Variants in PPP2R2B observed in about 807,000 individuals in gnomAD.
PPP2R2B encodes the protein protein phosphatase 2 regulatory subunit Bbeta, also known as serine/threonine-protein phosphatase 2A 55 kDa regulatory subunit B beta isoform.
A neutral mutation model predicts 46.0 loss-of-function variants in PPP2R2B; 5 were observed. The observed-to-expected ratio is 0.11, with a 90% confidence interval of 0.06 to 0.23. PPP2R2B has a LOEUF of 0.23. Ranked by LOEUF, PPP2R2B falls within the 10% of genes least tolerant of loss-of-function variation. The pLI is 1.00. For synonymous variants in PPP2R2B, 215 were observed against 206.7 expected (o/e 1.04, Z -0.34); for missense variants, 367 against 575.0 (o/e 0.64, Z 3.70).
intron 1 of PPP2R2B, among the ~76,000 whole-genome samples, chr5:146,937,777 C>G (rs1309686751): frequency 8.5e-5 from 13 of 152,164 alleles, no homozygotes. Context: ...ATGTGTGGGA[C>G]AGATGATCTG....
chr5:146,916,840 T>G (rs1763404777), intron 1 of PPP2R2B, among the ~76,000 whole-genome samples: 1 of 152,292 alleles, frequency 6.6e-6, no homozygotes. Flanking sequence ...TTGAACCAGT[T>G]TGCATATCAT....
chr5:146,696,884 A>G (rs1350607024), intron 4 of PPP2R2B, among the ~76,000 whole-genome samples: 1 of 152,232 alleles, frequency 6.6e-6, no homozygotes, highest in African/African-American at 2.4e-5. Flanking sequence ...GATTAATATG[A>G]GACTCATTGT....
At chr5:146,946,855 A>G (rs1282273941) in intron 1 of PPP2R2B, among the ~76,000 whole-genome samples, 2 of 152,030 alleles carry the variant, frequency 1.3e-5, no homozygotes, top group Admixed American at 6.6e-5. Context: ...GGCTGCCAAT[A>G]GGACGGGAAT....
At chr5:146,713,207 G>GT (rs968821422) in intron 2 of PPP2R2B, among the ~76,000 whole-genome samples, 7 of 152,144 alleles carry the variant, frequency 4.6e-5, no homozygotes, top group Non-Finnish European at 7.3e-5. Context: ...TAGGAAGAGT[G>GT]TTCCAAAGAG....
At chr5:147,055,326 T>G (rs898795990) in intron 1 of PPP2R2B, among the ~76,000 whole-genome samples, 7 of 152,246 alleles carry the variant, frequency 4.6e-5, no homozygotes, top group Non-Finnish European at 8.8e-5. Flanking sequence ...TGGCAGCACC[T>G]ACTGATTTTT....
In PPP2R2B at chr5:147,010,217, A is replaced by G. The variant is rs1341940176; in HGVS notation, c.79+45448T>C. Among the ~76,000 whole-genome samples the G allele has an allele frequency of 3.3e-5, 5 of 152,328 alleles. No individual in the cohort carries two copies. In the East Asian group the frequency reaches 9.7e-4, roughly 29 times the overall value. ...ACAGTTGTTACTGAGTACATGAACT[A>G]CTTAGAGTCAGCTAGACTAGTGATC... On this transcript the variant is annotated intron_variant, in intron 1 of 8. Transcript: ENST00000336640.
rs1404482779 is a variant in PPP2R2B, at chr5:146,841,334, T to C, written c.70+36668A>G. Among the ~76,000 whole-genome samples the C allele has an allele frequency of 3.9e-5, 6 of 152,310 alleles. No homozygotes were observed. In the East Asian group the frequency reaches 1.2e-3, roughly 29 times the overall value. On this transcript the variant is annotated intron_variant, in intron 2 of 9. Coordinates refer to ENST00000394411, the MANE Select transcript of PPP2R2B (RefSeq NM_181675.4). ...TAAAAGGTCATTGGTTTTTATATCTTTGTAGAGTTTTTAAAGACGCTGTTC... is the reference window on the plus strand; with the variant it reads ...TAAAAGGTCATTGGTTTTTATATCTCTGTAGAGTTTTTAAAGACGCTGTTC...
chr5:146,618,511 A>G (rs1773405357), intron 7 of PPP2R2B, among the ~76,000 whole-genome samples: 1 of 152,260 alleles, frequency 6.6e-6, no homozygotes, highest in African/African-American at 2.4e-5. Flanking sequence ...CAGCAGTGAT[A>G]GAAAACTATC....
intron 2 of PPP2R2B, among the ~76,000 whole-genome samples, chr5:146,721,730 A>C (rs1780809685): frequency 6.6e-6 from 1 of 152,222 alleles, no homozygotes; most frequent in African/African-American, 2.4e-5. Context: ...AGAGAGAAGC[A>C]CTTTGCTCTC....
chr5:147,045,501 C>T (rs993967444), intron 1 of PPP2R2B, among the ~76,000 whole-genome samples: 3 of 152,042 alleles, frequency 2.0e-5, no homozygotes, highest in African/African-American at 7.2e-5. Flanking sequence ...TGTGTTTCCC[C>T]AGTGATGAAA....
intron 1 of PPP2R2B, among the ~76,000 whole-genome samples, chr5:146,976,148 T>C (rs991579112): frequency 3.4e-5 from 5 of 145,184 alleles, no homozygotes; most frequent in Non-Finnish European, 7.5e-5. Flanking sequence ...ATTATTATTA[T>C]TATTTCTGAG....
intron 2 of PPP2R2B, among the ~76,000 whole-genome samples, chr5:146,732,271 G>C (rs749311569): frequency 4.6e-4 from 70 of 152,308 alleles, no homozygotes; most frequent in African/African-American, 1.7e-3. Context: ...CATTTCTAAT[G>C]CACATACATT....
chr5:146,625,713 T>C (rs1210316640), intron 7 of PPP2R2B, among the ~76,000 whole-genome samples: 1 of 151,980 alleles, frequency 6.6e-6, no homozygotes, highest in Non-Finnish European at 1.5e-5. Flanking sequence ...GATGTCAAAA[T>C]CCTAATGCCC....
At chr5:147,055,928 C>G in exon 1 of PPP2R2B, 1 of 1,421,952 alleles carries the variant, frequency 7.0e-7, no homozygotes, top group Non-Finnish European at 9.2e-7. Context: ...CGCCAGGAAG[C>G]ACTGCCTTAC....
At chr5:147,019,605 A>T (rs898941776) in intron 1 of PPP2R2B, among the ~76,000 whole-genome samples, 24 of 151,360 alleles carry the variant, frequency 1.6e-4, no homozygotes, top group South Asian at 6.2e-4. Context: ...GTTTTTTTTT[A>T]AAAAGTCTAT....
rs1769997230 is a variant in PPP2R2B, at chr5:146,583,516, C to G, written c.*6431G>C. The G allele has an allele frequency of 6.6e-6, 1 of 152,108 alleles. No homozygotes were observed. Among genetic ancestry groups the G allele is most frequent in the Non-Finnish European group, 1.5e-5 (1 of 68,038 alleles). The allele number at this position is 152,108 out of a possible 1,614,324, so 9.4% of individuals were successfully genotyped here. On this transcript the variant is annotated 3_prime_UTR_variant, in exon 10 of 10. Coordinates refer to ENST00000394411, the MANE Select transcript of PPP2R2B (RefSeq NM_181675.4). ...GGTGGAGCTCAGATTTTAACCCAGG[C>G]AGGCAGGCTGGCAGGCTCGGTATCC...
At chr5:146,959,458 T>C (rs902237423) in intron 1 of PPP2R2B, among the ~76,000 whole-genome samples, 4 of 152,202 alleles carry the variant, frequency 2.6e-5, no homozygotes, top group Non-Finnish European at 4.4e-5. Context: ...ACAGAGTCTC[T>C]GCCTTACTCT....
At chr5:146,755,314 T>C (rs889568868) in intron 2 of PPP2R2B, among the ~76,000 whole-genome samples, 3 of 152,234 alleles carry the variant, frequency 2.0e-5, no homozygotes, top group African/African-American at 7.2e-5. Context: ...CTTTGGAATT[T>C]CATGGCAAGT....
rs185302556 is a variant in PPP2R2B at position 146,950,474 on chromosome 5, G to C, written c.79+105191C>G. Among the ~76,000 whole-genome samples, 363 of 152,160 alleles carry C rather than the reference G, an allele frequency of 2.4e-3. 1 individual carries two copies. The highest frequency in any genetic ancestry group is 3.7e-3 in the Admixed American group (57 of 15,240). ...ATTTAAGTTTCAAGTTGGCAGCACA[G>C]TGAATCACCTGGAAAGACCTTGAAA... On this transcript the variant is annotated intron_variant, in intron 1 of 8. Transcript: ENST00000336640.
Sources: gnomAD v4.1 joint callset for allele counts (sites outside exome capture counted in the v4.1 genomes callset) on GRCh38, gnomAD v4.1.1 for gene constraint, MANE v1.5 for transcripts, NCBI Gene and HGNC (gene_info 2026-07-23, HGNC 2026-07-21) for gene names.